MRPL44: variants seen among roughly 807,000 people sequenced by gnomAD.
MRPL44 encodes large ribosomal subunit protein mL44.
Under a neutral mutation model 25.9 loss-of-function variants are expected in MRPL44, and 21 were observed. The observed-to-expected ratio is 0.81, with a 90% CI of 0.58 to 1.17. The LOEUF (loss-of-function observed/expected upper bound fraction) is 1.17, where lower values mean the gene tolerates loss of function less well. MRPL44 is among the 50% of genes most tolerant of loss of function. The probability of loss-of-function intolerance (pLI) is 0.00; values close to 1 mark genes in which losing one functional copy is unlikely to be tolerated. For missense variants in MRPL44, 410 were observed against 398.9 expected (o/e 1.03, Z -0.24); for synonymous variants, 169 against 151.0 (o/e 1.12, Z -0.87).
intron 3 of MRPL44, among the ~76,000 whole-genome samples, chr2:223,964,553 A>G (rs544017943): frequency 2.6e-4 from 39 of 152,214 alleles, no homozygotes; most frequent in Non-Finnish European, 5.1e-4. Context: ...AAGTTACCAC[A>G]TGGGGAAAAT....
In MRPL44 at chr2:223,967,034, G is replaced by A; in HGVS notation, c.999G>A (p.Ter333=). 1 of 1,607,054 alleles carries A rather than the reference G, an allele frequency of 6.2e-7. No homozygotes were observed. The highest frequency in any genetic ancestry group is 8.5e-7 in the Non-Finnish European group (1 of 1,176,368). ...LRAEKSITAS[*] ...CAGAAAAGAGCATCACTGCCAGCTAGCCGCCATGGATGCAGCAGCCTGAAA... is the reference window on the plus strand; with the variant it reads ...CAGAAAAGAGCATCACTGCCAGCTAACCGCCATGGATGCAGCAGCCTGAAA... Residue 333 remains the stop codon, a stop_retained_variant, in exon 4 of 4, where the codon TAG becomes TAA. Transcript: ENST00000258383.
rs1241700513 is a variant in MRPL44 at position 223,959,907 on chromosome 2, C to T, written c.553C>T (p.Pro185Ser). 8.7e-6 allele frequency: 14 copies of T among 1,614,160 alleles called. No individual in the cohort carries two copies. In the Middle Eastern group the frequency reaches 4.9e-4, roughly 57 times the overall value. The change falls in exon 2 of 4, where the codon CCA (proline) becomes TCA (serine). Residue 185 changes from proline to serine, a missense_variant. Pro to Ser is a moderately conservative substitution (Grantham distance 74, BLOSUM62 -1). Coordinates refer to ENST00000258383, the MANE Select transcript of MRPL44 (RefSeq NM_022915.5). ...GCAGTTAACACTGAGTGAAGAATTC[C>T]CAGTGCCCCCAGCTGTGTTACAGCA... ...VEQLTLSEEF[P>S]VPPAVLQQTF...
Position 223,967,114 on chromosome 2 carries a change from C to G in MRPL44, c.*80C>G, listed in dbSNP as rs537358477. The G allele has an allele frequency of 7.6e-7, 1 of 1,313,346 alleles. No homozygotes were observed. The highest frequency in any genetic ancestry group is 1.5e-5 in the African/African-American group (1 of 67,478). The allele number at this position is 1,313,346 out of a possible 1,614,324, so 81.4% of individuals were successfully genotyped here. On this transcript the variant is annotated 3_prime_UTR_variant, in exon 4 of 4. Coordinates refer to ENST00000258383, the MANE Select transcript of MRPL44 (RefSeq NM_022915.5). ...AGGTGTTTCAAGCCAGACATTTTCA[C>G]AATTGTGAAGAAATAGATGTTTTGT...
rs1422827889 is a variant in MRPL44, at chr2:223,966,930, G to A, written c.895G>A (p.Val299Met). The A allele has an allele frequency of 6.2e-7, 1 of 1,614,204 alleles. No homozygotes were observed. Among genetic ancestry groups the A allele is most frequent in the Admixed American group, 1.7e-5 (1 of 60,022 alleles). The change falls in exon 4 of 4, where the codon GTG (valine) becomes ATG (methionine). Residue 299 changes from valine (V) to methionine (M), a missense_variant. Coordinates refer to ENST00000258383, the MANE Select transcript of MRPL44 (RefSeq NM_022915.5). ...GGTTGCAGAAGAAGAGGCTGCTCGA[G>A]TGGCCCTTAGAAAACTTTATGGATT... ...VLVAEEEAAR[V>M]ALRKLYGFTE... is the part of the protein sequence containing the mutation.
intron 1 of MRPL44, among the ~76,000 whole-genome samples, chr2:223,958,138 C>G (rs1689600628): frequency 6.6e-6 from 1 of 152,210 alleles, no homozygotes; most frequent in Non-Finnish European, 1.5e-5. Context: ...CAGAGAGAGA[C>G]ACAGGTTTTT....
intron 3 of MRPL44, 57 bp from the exon 4 acceptor site, chr2:223,966,806 G>C: frequency 6.7e-7 from 1 of 1,500,460 alleles, no homozygotes; most frequent in Admixed American, 2.0e-5. Context: ...TAACTGCTTT[G>C]TGTACTGTCT....
the MRPL44 span, among the ~76,000 whole-genome samples, chr2:223,951,767 CT>C: frequency 6.6e-6 from 1 of 152,176 alleles, no homozygotes; most frequent in Non-Finnish European, 1.5e-5. Context: ...GCTTGAGCCA[CT>C]GTGTCTGGCC....
chr2:223,959,934 ACTTT>A lies in MRPL44; in HGVS notation c.585_588del (p.Phe195LeufsTer24). The A allele has an allele frequency of 6.2e-7, 1 of 1,614,214 alleles. No individual in the cohort carries two copies. On this transcript the variant is annotated frameshift_variant, in exon 2 of 4. Transcript: ENST00000258383. LOFTEE classifies it high-confidence loss of function. ...AGTGCCCCCAGCTGTGTTACAGCAG[ACTTT>A]CTTTGCAGTTATTGGAGCCCTGTTA...
rs772107545 is a variant in MRPL44 at position 223,957,603 on chromosome 2, A to T, written c.131A>T (p.Glu44Val). The change falls in exon 1 of 4, where the codon GAG (glutamate) becomes GTG (valine). Residue 44 changes from glutamate (E) to valine (V), a missense_variant. Glu to Val is a moderately radical substitution (Grantham distance 121, BLOSUM62 -2). Coordinates refer to ENST00000258383, the MANE Select transcript of MRPL44 (RefSeq NM_022915.5). Reference sequence around the variant, plus strand: ...CGCGCCGCCTTCCGCTTCCAGAAGGAGTTAGAGCGGCAGCGCCTTCTGCGG... The same window carrying T: ...CGCGCCGCCTTCCGCTTCCAGAAGGTGTTAGAGCGGCAGCGCCTTCTGCGG... ...GFRAAFRFQK[E>V]LERQRLLRCP... 3.1e-6 allele frequency: 5 copies of T among 1,612,888 alleles called. No individual in the cohort carries two copies. The Admixed American group carries it at 6.7e-5, about 21-fold the overall frequency.
At chr2:223,960,080 T>C in intron 2 of MRPL44, 78 bp downstream of exon 2, 2 of 1,214,712 alleles carry the variant, frequency 1.6e-6, no homozygotes, top group Non-Finnish European at 1.1e-6. Context: ...CTTTGATATA[T>C]CACCTTGGAA....
chr2:223,959,653 G>C lies in MRPL44; in HGVS notation c.299G>C (p.Ser100Thr). Residue 100 changes from serine (S) to threonine (T), a missense_variant, in exon 2 of 4, where the codon AGT (serine) becomes ACT (threonine). Ser to Thr is a moderately conservative substitution (Grantham distance 58, BLOSUM62 1). Transcript: ENST00000258383. ...TTTGTTAATAGCTGCTATATTAAAA[G>C]TGAGGAGGCCAAACGCCAACAACTT... ...TAFVNSCYIK[S>T]EEAKRQQLGI... is the part of the protein sequence containing the mutation. 1 of 1,614,222 alleles carries C rather than the reference G, an allele frequency of 6.2e-7. No individual in the cohort carries two copies.
chr2:223,963,521 C>T (rs918699169), intron 2 of MRPL44, among the ~76,000 whole-genome samples: 4 of 152,004 alleles, frequency 2.6e-5, no homozygotes, highest in Admixed American at 1.3e-4. Flanking sequence ...ATAGGTTTCT[C>T]GGGCTTGCAA....
chr2:223,953,060 A>T (rs1166822553), upstream of MRPL44, among the ~76,000 whole-genome samples: 3 of 152,208 alleles, frequency 2.0e-5, no homozygotes, highest in Admixed American at 2.0e-4. Flanking sequence ...AATAGATATA[A>T]ACCATATAAT....
Position 223,959,518 on chromosome 2 carries a change from G to A in MRPL44, c.180-16G>A. On this transcript the variant is annotated splice_polypyrimidine_tract_variant and intron_variant, in intron 1 of 3. Coordinates refer to ENST00000258383, the MANE Select transcript of MRPL44 (RefSeq NM_022915.5). ...GTTGTTCTCTTTACCATCTCTTACT[G>A]TCTTTACATTTTCAGTTCAGAGAAG... 6.3e-7 allele frequency: 1 copy of A among 1,585,362 alleles called. No homozygotes were observed. The highest frequency in any genetic ancestry group is 8.6e-7 in the Non-Finnish European group (1 of 1,164,980).
rs1482843154 is a variant in MRPL44 at position 223,967,055 on chromosome 2, T to C, written c.*21T>C. 5.7e-6 allele frequency: 9 copies of C among 1,572,800 alleles called. No homozygotes were observed. The South Asian group carries it at 9.4e-5, about 16-fold the overall frequency. ...GCTAGCCGCCATGGATGCAGCAGCCTGAAACTTGAGAGCGAAAGTGAGATA... is the reference window on the plus strand; with the variant it reads ...GCTAGCCGCCATGGATGCAGCAGCCCGAAACTTGAGAGCGAAAGTGAGATA... On this transcript the variant is annotated 3_prime_UTR_variant, in exon 4 of 4. Coordinates refer to ENST00000258383, the MANE Select transcript of MRPL44 (RefSeq NM_022915.5).
At chr2:223,954,879 C>CAA (rs1386921371), upstream of MRPL44, among the ~76,000 whole-genome samples, 2 of 152,126 alleles carry the variant, frequency 1.3e-5, no homozygotes, top group African/African-American at 4.8e-5. Context: ...GCTAACACAC[C>CAA]AAAAAAGTTT....
chr2:223,956,487 A>G (rs1455652597), upstream of MRPL44, among the ~76,000 whole-genome samples: 1 of 152,200 alleles, frequency 6.6e-6, no homozygotes, highest in Non-Finnish European at 1.5e-5. Context: ...GTACCAGGCC[A>G]ATTACACTAA....
At chr2:223,960,269 G>A (rs1359725574) in intron 2 of MRPL44, among the ~76,000 whole-genome samples, 1 of 152,150 alleles carries the variant, frequency 6.6e-6, no homozygotes, top group African/African-American at 2.4e-5. Context: ...TAGGGCCAAG[G>A]ATACTGCCTG....
chr2:223,957,618 GCCTTCTGCGGTGCC>G lies in MRPL44; in HGVS notation c.148_161del (p.Leu50AlafsTer40), dbSNP rs1391876108. On this transcript the variant is annotated frameshift_variant, in exon 1 of 4. Transcript: ENST00000258383. LOFTEE classifies it high-confidence loss of function. The stretch of plus-strand genomic sequence containing the variant: ...TTCCAGAAGGAGTTAGAGCGGCAGC[GCCTTCTGCGGTGCC>G]CGCCGCCGCCCGTGCGCCGGTAGGA... The G allele has an allele frequency of 1.2e-6, 2 of 1,610,830 alleles. No individual in the cohort carries two copies. The highest frequency in any genetic ancestry group is 1.7e-6 in the Non-Finnish European group (2 of 1,179,788).
Sources: allele counts gnomAD v4.1 joint callset (sites outside exome capture counted in the v4.1 genomes callset), GRCh38; gene constraint gnomAD v4.1.1; transcripts MANE v1.5; gene names NCBI Gene and HGNC (gene_info 2026-07-23, HGNC 2026-07-21).